EPB41L2: variants seen among roughly 807,000 people sequenced by gnomAD.
EPB41L2 encodes the protein erythrocyte membrane protein band 4.1 like 2.
EPB41L2 carries 43 observed loss-of-function variants against 113.0 expected under a neutral mutation model. That is an observed-to-expected ratio of 0.38 (90% confidence interval 0.30 to 0.49). EPB41L2 has a LOEUF of 0.49. Among genes scored for constraint, EPB41L2 ranks in the 20% least tolerant of loss-of-function variants. EPB41L2 has a pLI of 0.95. For missense variants in EPB41L2, 1,147 were observed against 1,223.4 expected, an observed-to-expected ratio of 0.94 and a Z score of 0.93; for synonymous variants, 442 against 436.7, an observed-to-expected ratio of 1.01 and a Z score of -0.15.
chr6:131,004,563 G>C (rs947356412), intron 1 of EPB41L2, among the ~76,000 whole-genome samples: 1 of 152,208 alleles, frequency 6.6e-6, no homozygotes, highest in African/African-American at 2.4e-5. Context: ...AAAGCATGCA[G>C]TAAGGAGTTC....
chr6:131,052,999 G>A (rs968719709), intron 1 of EPB41L2, among the ~76,000 whole-genome samples: 9 of 151,950 alleles, frequency 5.9e-5, no homozygotes, highest in Admixed American at 1.3e-4. Context: ...GGGTTCAAGC[G>A]ATTCTCCTTG....
intron 1 of EPB41L2, among the ~76,000 whole-genome samples, chr6:131,026,945 T>C (rs1466234397): frequency 6.6e-6 from 1 of 152,188 alleles, no homozygotes; most frequent in Non-Finnish European, 1.5e-5. Context: ...TTCCTTTAGG[T>C]ACCTCAATGC....
chr6:130,841,595 CCAGACTTGAGTGGT>C (rs1775528326), intron 19 of EPB41L2, among the ~76,000 whole-genome samples: 1 of 152,256 alleles, frequency 6.6e-6, no homozygotes, highest in East Asian at 1.9e-4. Flanking sequence ...TGGCCAGGAC[CCAGACTTGAGTGGT>C]CACCACAGAA....
At chr6:130,901,203 T>C (rs1257470156) in intron 6 of EPB41L2, 23 bp from the exon 7 acceptor site, 1 of 1,608,134 alleles carries the variant, frequency 6.2e-7, no homozygotes, top group African/African-American at 1.3e-5. Flanking sequence ...GAGGGAGAAA[T>C]GGGTCAGGGG....
In EPB41L2 at chr6:130,890,468, T is replaced by C; in HGVS notation, c.1488-2A>G. 1 of 1,513,168 alleles carries C rather than the reference T, an allele frequency of 6.6e-7. No individual in the cohort carries two copies. Among genetic ancestry groups the C allele is most frequent in the African/African-American group, 1.7e-5 (1 of 59,286 alleles). 93.7% of individuals were successfully genotyped at this position (1,513,168 alleles called of 1,614,324 possible). On this transcript the variant is annotated splice_acceptor_variant, in intron 10 of 19. Transcript: ENST00000337057. LOFTEE classifies it high-confidence loss of function. ...GGTGGCTGCTCTGGAGAAACAAGCC[T>C]ATGGGAGGAAAAAAAAAAAAAAAGA...
chr6:131,036,251 T>C (rs1456443328), intron 1 of EPB41L2, among the ~76,000 whole-genome samples: 2 of 152,044 alleles, frequency 1.3e-5, no homozygotes, highest in African/African-American at 2.4e-5. Flanking sequence ...CTCAAAAATA[T>C]ATAGCTGTAT....
chr6:130,957,843 A>G (rs1376298598), intron 1 of EPB41L2, among the ~76,000 whole-genome samples: 2 of 152,216 alleles, frequency 1.3e-5, no homozygotes, highest in Non-Finnish European at 2.9e-5. Context: ...TCCAAAAAGA[A>G]ATCCTGTGCC....
intron 1 of EPB41L2, among the ~76,000 whole-genome samples, chr6:131,007,877 T>A (rs1387736296): frequency 6.6e-6 from 1 of 152,222 alleles, no homozygotes; most frequent in African/African-American, 2.4e-5. Flanking sequence ...AGCATTCAGT[T>A]GTATGTGTTC....
chr6:130,982,666 A>G (rs9492775), intron 1 of EPB41L2, among the ~76,000 whole-genome samples: 31,139 of 152,214 alleles, frequency 0.2, 3,655 homozygotes, highest in African/African-American at 0.29. Flanking sequence ...CTTTCTTTCA[A>G]AAACCATTTT....
intron 1 of EPB41L2, among the ~76,000 whole-genome samples, chr6:131,025,499 T>C (rs1186958847): frequency 6.6e-6 from 1 of 152,160 alleles, no homozygotes; most frequent in African/African-American, 2.4e-5. Flanking sequence ...AAAGTCACAG[T>C]ATCAAACCAC....
At chr6:130,895,484 G>A (rs916763081) in intron 8 of EPB41L2, among the ~76,000 whole-genome samples, 1 of 152,190 alleles carries the variant, frequency 6.6e-6, no homozygotes, top group African/African-American at 2.4e-5. Context: ...TTTCCCGTAG[G>A]CTAGTCCAGC....
intron 1 of EPB41L2, among the ~76,000 whole-genome samples, chr6:131,051,014 T>G (rs1796409585): frequency 6.6e-6 from 1 of 152,190 alleles, no homozygotes; most frequent in African/African-American, 2.4e-5. Flanking sequence ...ACAAATTTGG[T>G]GAGTATGTAT....
intron 1 of EPB41L2, among the ~76,000 whole-genome samples, chr6:130,961,713 G>T (rs4487607): frequency 0.049 from 7,391 of 152,196 alleles, 311 homozygotes; most frequent in African/African-American, 0.11. Flanking sequence ...CAGGGAACAG[G>T]GTAGGTGCTG....
chr6:130,931,957 G>A (rs754773199), intron 3 of EPB41L2, among the ~76,000 whole-genome samples: 7 of 152,040 alleles, frequency 4.6e-5, no homozygotes, highest in Non-Finnish European at 8.8e-5. Context: ...CCTCAGTTCC[G>A]CTCTTTAAAA....
At chr6:130,917,905 G>A (rs1182802196) in intron 4 of EPB41L2, among the ~76,000 whole-genome samples, 1 of 152,172 alleles carries the variant, frequency 6.6e-6, no homozygotes, top group Non-Finnish European at 1.5e-5. Context: ...CCAGGTAAGA[G>A]AAATTAACAA....
chr6:130,866,180 G>A (rs1023359758), intron 16 of EPB41L2, among the ~76,000 whole-genome samples: 12 of 152,098 alleles, frequency 7.9e-5, no homozygotes, highest in Admixed American at 1.3e-4. Flanking sequence ...ATATATACGG[G>A]CACATATATT....
chr6:130,875,667 C>G (rs879623556), intron 14 of EPB41L2, among the ~76,000 whole-genome samples: 7 of 152,128 alleles, frequency 4.6e-5, no homozygotes, highest in African/African-American at 1.7e-4. Context: ...ACATTTACTT[C>G]CTAGTGTCTG....
intron 1 of EPB41L2, among the ~76,000 whole-genome samples, chr6:131,007,574 T>C (rs183868245): frequency 1.6e-4 from 24 of 151,990 alleles, no homozygotes; most frequent in South Asian, 6.2e-4. Context: ...GATAGGAAAA[T>C]GTGAGAAAGT....
At chr6:130,928,636 A>G (rs1271583938) in intron 3 of EPB41L2, among the ~76,000 whole-genome samples, 3 of 152,238 alleles carry the variant, frequency 2.0e-5, no homozygotes, top group Non-Finnish European at 4.4e-5. Context: ...ACATGCCCTC[A>G]TGGGCAGAAT....
Sources: allele counts gnomAD v4.1 joint callset (sites outside exome capture counted in the v4.1 genomes callset), GRCh38; gene constraint gnomAD v4.1.1; transcripts MANE v1.5; gene names NCBI Gene and HGNC (gene_info 2026-07-23, HGNC 2026-07-21).